ZNF678: variants seen among roughly 807,000 people sequenced by gnomAD.
ZNF678 encodes hypothetical protein MGC42493.
In ZNF678, 5 loss-of-function variants were observed where a neutral mutation model predicts 3.0. The observed-to-expected ratio is 1.69, with a 90% CI of 0.88 to 3.56. The LOEUF (loss-of-function observed/expected upper bound fraction) is 3.56. Among genes scored for constraint, ZNF678 ranks in the 30% most tolerant of loss-of-function variants. The pLI, the probability that ZNF678 is intolerant of heterozygous loss-of-function variation, is 0.00. For missense variants in ZNF678, 593 were observed against 605.0 expected (o/e 0.98, Z 0.21); for synonymous variants, 218 against 199.6 (o/e 1.09, Z -0.78).
At chr1:227,611,502 A>G (rs1658019783) in intron 1 of ZNF678, among the ~76,000 whole-genome samples, 1 of 152,132 alleles carries the variant, frequency 6.6e-6, no homozygotes, top group African/African-American at 2.4e-5. Flanking sequence ...ATCACCTCTA[A>G]TGCGTTCTAA....
chr1:227,644,469 A>G (rs1225548697), intron 1 of ZNF678, among the ~76,000 whole-genome samples: 1 of 152,210 alleles, frequency 6.6e-6, no homozygotes, highest in East Asian at 1.9e-4. Context: ...GCCATGTTTC[A>G]GAATTGTGAT....
At chr1:227,625,749 G>C (rs934645415) in intron 1 of ZNF678, among the ~76,000 whole-genome samples, 1 of 152,064 alleles carries the variant, frequency 6.6e-6, no homozygotes, top group African/African-American at 2.4e-5. Context: ...GGGGTGCTTT[G>C]TACCCTGGTC....
chr1:227,587,789 T>C (rs1477737013), intron 1 of ZNF678, among the ~76,000 whole-genome samples: 1 of 151,362 alleles, frequency 6.6e-6, no homozygotes, highest in Non-Finnish European at 1.5e-5. Context: ...TTTTAGCCAC[T>C]GTGGAAACCC....
At chr1:227,611,345 C>A (rs1295736760) in intron 1 of ZNF678, among the ~76,000 whole-genome samples, 2 of 152,150 alleles carry the variant, frequency 1.3e-5, no homozygotes, top group African/African-American at 4.8e-5. Flanking sequence ...AAGGACCTGC[C>A]ATCTCCATCA....
chr1:227,602,395 A>G (rs1326361532), intron 1 of ZNF678, among the ~76,000 whole-genome samples: 1 of 152,236 alleles, frequency 6.6e-6, no homozygotes, highest in Non-Finnish European at 1.5e-5. Flanking sequence ...ACTTTTCAGA[A>G]GCACAAATAT....
downstream of ZNF678, among the ~76,000 whole-genome samples, chr1:227,664,170 C>G (rs1659463177): frequency 2.0e-5 from 3 of 152,202 alleles, no homozygotes; most frequent in South Asian, 6.2e-4. Context: ...AAGTGAGACC[C>G]TATTTAAAAA....
At chr1:227,666,437 A>C (rs371176348), downstream of ZNF678, among the ~76,000 whole-genome samples, 1 of 152,202 alleles carries the variant, frequency 6.6e-6, no homozygotes, top group Admixed American at 6.5e-5. Context: ...TGAAACTTCT[A>C]TAGTCAGCGT....
chr1:227,590,516 C>T (rs979476662), intron 1 of ZNF678, among the ~76,000 whole-genome samples: 1 of 151,748 alleles, frequency 6.6e-6, no homozygotes, highest in East Asian at 1.9e-4. Flanking sequence ...CGTCTTGTGC[C>T]CAAGCGGCAG....
In ZNF678 at chr1:227,615,822, A is replaced by G. The variant is rs912239129; in HGVS notation, c.-163-30722A>G. Among the ~76,000 whole-genome samples the G allele has an allele frequency of 9.9e-5, 15 of 152,280 alleles. No individual in the cohort carries two copies. In the South Asian group the frequency reaches 1.7e-3, roughly 17 times the overall value. On this transcript the variant is annotated intron_variant, in intron 1 of 3. Coordinates refer to ENST00000343776, the MANE Select transcript of ZNF678 (RefSeq NM_001367909.1). ...GTCATGCCTTTGCTGATATTCTGCT[A>G]CTAGTTTACTTTTGGTAGTCCAGCC...
At chr1:227,670,326 G>A (rs551668591) in intron 5 of ZNF678, among the ~76,000 whole-genome samples, 2 of 152,270 alleles carry the variant, frequency 1.3e-5, no homozygotes, top group East Asian at 1.9e-4. Context: ...ATATATAATT[G>A]TAATTTGTCA....
chr1:227,582,527 C>CTA (rs775225357), intron 1 of ZNF678: 1 of 160,644 alleles, frequency 6.2e-6, no homozygotes, highest in Non-Finnish European at 1.3e-5. Context: ...CGCATTCTCA[C>CTA]TATGTTGCCC....
At chr1:227,642,143 G>A (rs189944624) in intron 1 of ZNF678, among the ~76,000 whole-genome samples, 273 of 152,288 alleles carry the variant, frequency 1.8e-3, no homozygotes, top group Non-Finnish European at 3.1e-3. Context: ...AGAGGGGCTG[G>A]CATTTGCCTA....
Position 227,646,447 on chromosome 1 carries a change from C to T in ZNF678, c.-163-97C>T. The T allele has an allele frequency of 3.3e-6, 4 of 1,216,660 alleles. No individual in the cohort carries two copies. The South Asian group carries it at 5.0e-5, about 15-fold the overall frequency. The allele number at this position is 1,216,660 out of a possible 1,614,324, so 75.4% of individuals were successfully genotyped here. ...CAATGTCTTACTGGACAGTTTCTGC[C>T]AGAACAAGTTCACTTTACTCTCTTC... On this transcript the variant is annotated intron_variant, in intron 1 of 3. Coordinates refer to ENST00000343776, the MANE Select transcript of ZNF678 (RefSeq NM_001367909.1).
In ZNF678 at chr1:227,661,866, C is replaced by T. The variant is rs1659414498; in HGVS notation, c.*6038C>T. On this transcript the variant is annotated 3_prime_UTR_variant, in exon 4 of 4. Transcript: ENST00000343776. ...GAAGTCAGGAACCCACCAGGATCTC[C>T]CTTCTCCCTAGCCTGGTGGTCCACA... 6.6e-6 allele frequency: 1 copy of T among 152,208 alleles called. No individual in the cohort carries two copies. The highest frequency in any genetic ancestry group is 2.4e-5 in the African/African-American group (1 of 41,438). The allele number at this position is 152,208 out of a possible 1,614,324, so 9.4% of individuals were successfully genotyped here.
chr1:227,594,024 A>T (rs969729024), intron 1 of ZNF678, among the ~76,000 whole-genome samples: 13 of 152,112 alleles, frequency 8.5e-5, no homozygotes, highest in Non-Finnish European at 1.6e-4. Flanking sequence ...GGGGTGGTAC[A>T]TGTGCTAAAA....
chr1:227,569,570 A>G (rs941811163), intron 1 of ZNF678, among the ~76,000 whole-genome samples: 1 of 152,182 alleles, frequency 6.6e-6, no homozygotes, highest in Non-Finnish European at 1.5e-5. Context: ...TTTTGTTGCT[A>G]TTGTAAATTA....
intron 1 of ZNF678, among the ~76,000 whole-genome samples, chr1:227,591,920 G>A (rs1826774): frequency 0.019 from 2,818 of 152,284 alleles, 86 homozygotes; most frequent in African/African-American, 0.064. Context: ...CCCGCGATGA[G>A]TTTCCTCATG....
At chr1:227,603,673 G>T (rs1479385360) in intron 1 of ZNF678, among the ~76,000 whole-genome samples, 1 of 152,204 alleles carries the variant, frequency 6.6e-6, no homozygotes, top group Non-Finnish European at 1.5e-5. Flanking sequence ...GGGAAGATGT[G>T]GACTGGTGCC....
At chr1:227,647,118 G>T (rs12133008) in intron 2 of ZNF678, among the ~76,000 whole-genome samples, 2 of 151,988 alleles carry the variant, frequency 1.3e-5, no homozygotes, top group Admixed American at 1.3e-4. Context: ...TTAGATGGGC[G>T]TGGTGGCATG....
Sources: gnomAD v4.1 joint callset for allele counts (sites outside exome capture counted in the v4.1 genomes callset) on GRCh38, gnomAD v4.1.1 for gene constraint, MANE v1.5 for transcripts, NCBI Gene and HGNC (gene_info 2026-07-23, HGNC 2026-07-21) for gene names.